The following KANSL1L variants were observed in gnomAD, a reference collection of about 807,000 sequenced individuals.
KANSL1L encodes the protein KAT8 regulatory NSL complex subunit 1 like.
Under a neutral mutation model 108.6 loss-of-function variants are expected in KANSL1L, and 25 were observed. That is an observed-to-expected ratio of 0.23 (90% CI 0.17 to 0.32). The LOEUF (loss-of-function observed/expected upper bound fraction) is 0.32, where lower values mean the gene tolerates loss of function less well. Ranked by LOEUF, KANSL1L falls within the 10% of genes least tolerant of loss-of-function variation. The pLI, the probability that KANSL1L is intolerant of heterozygous loss-of-function variation, is 1.00. For synonymous variants in KANSL1L, 405 were observed against 395.1 expected, an observed-to-expected ratio of 1.03 and a Z score of -0.30; for missense variants, 1,137 against 1,125.7, an observed-to-expected ratio of 1.01 and a Z score of -0.14.
chr2:210,165,137 T>A (rs1687861171), intron 1 of KANSL1L, among the ~76,000 whole-genome samples: 1 of 151,090 alleles, frequency 6.6e-6, no homozygotes, highest in Non-Finnish European at 1.5e-5. Flanking sequence ...TACTTTTACG[T>A]TTTTACAACA....
intron 6 of KANSL1L, among the ~76,000 whole-genome samples, chr2:210,058,048 G>A (rs2094373729): frequency 6.6e-6 from 1 of 152,180 alleles, no homozygotes. Context: ...CTTAAACTCT[G>A]ACTGCCAGTG....
chr2:210,123,529 G>A (rs2095039942), intron 3 of KANSL1L, among the ~76,000 whole-genome samples: 1 of 151,924 alleles, frequency 6.6e-6, no homozygotes, highest in African/African-American at 2.4e-5. Context: ...ACTAGAGGTT[G>A]GGAAGGGTGG....
intron 1 of KANSL1L, chr2:210,155,186 CG>C (rs1351308609): frequency 7.9e-5 from 12 of 152,134 alleles, no homozygotes; most frequent in Admixed American, 7.9e-4. Context: ...CCGAGGTAGG[CG>C]GATCACCTGA....
intron 2 of KANSL1L, among the ~76,000 whole-genome samples, chr2:210,133,289 T>C (rs928113585): frequency 1.3e-5 from 2 of 152,102 alleles, no homozygotes; most frequent in African/African-American, 4.8e-5. Context: ...TAATACATAA[T>C]ACAAAGTTAT....
At chr2:210,102,079 T>C (rs1232514052) in intron 4 of KANSL1L, among the ~76,000 whole-genome samples, 4 of 152,190 alleles carry the variant, frequency 2.6e-5, no homozygotes, top group Non-Finnish European at 5.9e-5. Flanking sequence ...TTTGTCAGGT[T>C]TGGCAAAGAT....
Position 210,021,888 on chromosome 2 carries a change from CA to C in KANSL1L, c.*1060del, listed in dbSNP as rs2093862081. On this transcript the variant is annotated 3_prime_UTR_variant, in exon 15 of 15. Transcript: ENST00000281772. ...TTTAATTTCCAATCTAGGATGCAAG[CA>C]AGAATATATGTTTATTTGAATAGAG... 6.7e-6 allele frequency: 1 copy of C among 149,766 alleles called. No homozygotes were observed. The highest frequency in any genetic ancestry group is 2.5e-5 in the African/African-American group (1 of 40,614). 9.3% of individuals were successfully genotyped at this position (149,766 alleles called of 1,614,324 possible). A position where few individuals can be genotyped will look rare whatever the true frequency, so the allele number is the denominator to read the frequency against.
At chr2:210,128,950 A>C in intron 3 of KANSL1L, 81 bp downstream of exon 3, 1 of 1,148,802 alleles carries the variant, frequency 8.7e-7, no homozygotes, top group South Asian at 1.7e-5. Flanking sequence ...ACCTTGTAAC[A>C]ATTATTTTTG....
intron 1 of KANSL1L, among the ~76,000 whole-genome samples, chr2:210,166,447 C>T (rs1476177449): frequency 3.9e-5 from 6 of 152,066 alleles, no homozygotes; most frequent in East Asian, 1.9e-4. Flanking sequence ...CTAATCTCAA[C>T]GCTCAGAGTT....
chr2:210,077,978 GCAT>G (rs2094554059), intron 5 of KANSL1L, among the ~76,000 whole-genome samples: 1 of 152,180 alleles, frequency 6.6e-6, no homozygotes, highest in South Asian at 2.1e-4. Flanking sequence ...TCTGAGAAAT[GCAT>G]CGTTAGGTTA....
chr2:210,156,440 C>A (rs556109474), intron 1 of KANSL1L, among the ~76,000 whole-genome samples: 3 of 151,412 alleles, frequency 2.0e-5, no homozygotes, highest in Non-Finnish European at 4.4e-5. Context: ...CTAACAATAA[C>A]AAAACAGAGA....
chr2:210,121,535 A>T (rs1034450715), intron 3 of KANSL1L, among the ~76,000 whole-genome samples: 1 of 152,180 alleles, frequency 6.6e-6, no homozygotes, highest in Non-Finnish European at 1.5e-5. Context: ...CAGGAAAAAC[A>T]ACTAATGGGT....
At chr2:210,071,211 T>C (rs1324650940) in intron 6 of KANSL1L, among the ~76,000 whole-genome samples, 3 of 152,126 alleles carry the variant, frequency 2.0e-5, no homozygotes, top group Non-Finnish European at 4.4e-5. Context: ...CATGTTTATG[T>C]GGCATTCATC....
At chr2:210,112,434 T>C (rs2094916490) in intron 3 of KANSL1L, among the ~76,000 whole-genome samples, 2 of 151,994 alleles carry the variant, frequency 1.3e-5, no homozygotes, top group Admixed American at 6.6e-5. Context: ...AACAAAACAA[T>C]AAAACACATC....
chr2:210,140,029 G>A (rs1355312279), intron 2 of KANSL1L, among the ~76,000 whole-genome samples: 1 of 152,004 alleles, frequency 6.6e-6, no homozygotes, highest in Admixed American at 6.6e-5. Flanking sequence ...TTTTTAATCA[G>A]GTTATTTGTT....
chr2:210,086,538 A>T (rs912784402), intron 5 of KANSL1L, among the ~76,000 whole-genome samples: 1 of 151,758 alleles, frequency 6.6e-6, no homozygotes, highest in Non-Finnish European at 1.5e-5. Flanking sequence ...TATTGTTATT[A>T]AATAAAAGAT....
At chr2:210,142,156 G>A (rs1055047263) in intron 2 of KANSL1L, among the ~76,000 whole-genome samples, 3 of 151,468 alleles carry the variant, frequency 2.0e-5, no homozygotes, top group Admixed American at 1.3e-4. Context: ...CTTTGATGGG[G>A]GACTTTATTA....
intron 6 of KANSL1L, among the ~76,000 whole-genome samples, chr2:210,068,980 A>C (rs1334418221): frequency 6.6e-6 from 1 of 152,182 alleles, no homozygotes; most frequent in African/African-American, 2.4e-5. Flanking sequence ...TAATAGCCTG[A>C]GAATTTTCCA....
chr2:210,050,692 A>AG lies in KANSL1L; in HGVS notation c.1756-6589dup, dbSNP rs1316375193. 4.9e-5 allele frequency among the ~76,000 whole-genome samples: 7 copies of AG among 143,578 alleles called. No homozygotes were observed. In the East Asian group the frequency reaches 8.1e-4, roughly 17 times the overall value. 94.2% of individuals were successfully genotyped at this position (143,578 alleles called of 152,430 possible). On this transcript the variant is annotated intron_variant, in intron 6 of 14. Transcript: ENST00000281772. Reference sequence around the variant, plus strand: ...GGCAACATAGTGAGACCATCTCTACAGAAAAAAAAAAAAAAAAAAAAAATT... The same window carrying AG: ...GGCAACATAGTGAGACCATCTCTACAGGAAAAAAAAAAAAAAAAAAAAAATT...
chr2:210,088,534 T>C (rs922509872), intron 5 of KANSL1L: 2 of 152,276 alleles, frequency 1.3e-5, no homozygotes, highest in African/African-American at 4.8e-5. Flanking sequence ...ACTTCACAAA[T>C]TGCCTTGATA....
Sources: allele counts gnomAD v4.1 joint callset (sites outside exome capture counted in the v4.1 genomes callset), GRCh38; gene constraint gnomAD v4.1.1; transcripts MANE v1.5; gene names NCBI Gene and HGNC (gene_info 2026-07-23, HGNC 2026-07-21).